Variants in DYDC2 observed in about 807,000 individuals in gnomAD.
DYDC2 encodes the protein DPY30 domain containing 2.
DYDC2 carries 19 observed loss-of-function variants against 18.7 expected under a neutral mutation model. That is an observed-to-expected ratio of 1.02 (90% CI 0.71 to 1.49). The LOEUF (loss-of-function observed/expected upper bound fraction) is 1.49. Among genes scored for constraint, DYDC2 ranks in the 40% most tolerant of loss-of-function variants. The pLI is 0.00. For missense variants in DYDC2, 179 were observed against 205.1 expected (o/e 0.87, Z 0.78); for synonymous variants, 63 against 67.6 (o/e 0.93, Z 0.34).
At chr10:80,347,955 C>A (rs1340904431) in intron 1 of DYDC2, among the ~76,000 whole-genome samples, 1 of 152,078 alleles carries the variant, frequency 6.6e-6, no homozygotes, top group Non-Finnish European at 1.5e-5. Context: ...TACTTCCATA[C>A]AAATTTTAGA....
chr10:80,356,297 A>C (rs1346046210), upstream of DYDC2: 1 of 985,516 alleles, frequency 1.0e-6, no homozygotes, highest in Non-Finnish European at 1.2e-6. Context: ...TTTCCCACAG[A>C]AACAGCTGCC....
At chr10:80,362,719 A>C in intron 3 of DYDC2, 129 bp downstream of exon 3, 1 of 1,435,600 alleles carries the variant, frequency 7.0e-7, no homozygotes, top group Non-Finnish European at 9.4e-7. Flanking sequence ...TCTTAGAGCC[A>C]GATATCCCTG....
chr10:80,349,065 G>A (rs1842834252), intron 1 of DYDC2, among the ~76,000 whole-genome samples: 3 of 152,044 alleles, frequency 2.0e-5, no homozygotes, highest in Admixed American at 6.6e-5. Context: ...CTAATTTTTT[G>A]TATTTTTAGT....
chr10:80,364,733 G>A (rs1843775395), intron 4 of DYDC2, among the ~76,000 whole-genome samples: 1 of 152,184 alleles, frequency 6.6e-6, no homozygotes, highest in African/African-American at 2.4e-5. Context: ...CTCAGTTTTA[G>A]AAAAGAGTTC....
Position 80,363,503 on chromosome 10 carries a change from C to T in DYDC2, c.270+430C>T, listed in dbSNP as rs1443224901. On this transcript the variant is annotated intron_variant, in intron 4 of 4. Coordinates refer to ENST00000256039, the MANE Select transcript of DYDC2 (RefSeq NM_032372.6). Reference sequence around the variant, plus strand: ...GGGACTACAGGCACATGCCACCACGCCCGGCTAATTTTTTTTTTTTTTTTT... The same window carrying T: ...GGGACTACAGGCACATGCCACCACGTCCGGCTAATTTTTTTTTTTTTTTTT... 4.0e-5 allele frequency among the ~76,000 whole-genome samples: 5 copies of T among 124,418 alleles called. No homozygotes were observed. In the South Asian group the frequency reaches 1.3e-3, roughly 33 times the overall value. The allele number at this position is 124,418 out of a possible 152,430, so 81.6% of individuals were successfully genotyped here. A position where few individuals can be genotyped will look rare whatever the true frequency, so the allele number is the denominator to read the frequency against.
At chr10:80,362,372 T>C in intron 2 of DYDC2, 63 bp from the exon 3 acceptor site, 1 of 1,554,682 alleles carries the variant, frequency 6.4e-7, no homozygotes, top group East Asian at 2.3e-5. Flanking sequence ...GGTTAGAATG[T>C]GTCTATTTTT....
At chr10:80,354,473 T>A (rs1843229713), upstream of DYDC2, 3 of 120,926 alleles carry the variant, frequency 2.5e-5, no homozygotes, top group African/African-American at 3.2e-5. Context: ...GCAACAAGAG[T>A]GAAACTTCGT....
At chr10:80,363,899 C>A (rs961575442) in intron 4 of DYDC2, among the ~76,000 whole-genome samples, 1 of 152,110 alleles carries the variant, frequency 6.6e-6, no homozygotes, top group Non-Finnish European at 1.5e-5. Flanking sequence ...CTGGAATAGC[C>A]GAAGACAACT....
chr10:80,366,445 T>C (rs758130085), intron 4 of DYDC2, among the ~76,000 whole-genome samples: 48 of 152,246 alleles, frequency 3.2e-4, no homozygotes, highest in Non-Finnish European at 1.5e-4. Context: ...GAGGACGTTT[T>C]ATAGGGAGTC....
rs1176838938 is a variant in DYDC2, at chr10:80,357,239, G to A, written c.-163+414G>A. Among the ~76,000 whole-genome samples, 7 of 150,286 alleles carry A rather than the reference G, an allele frequency of 4.7e-5. No homozygotes were observed. In the South Asian group the frequency reaches 1.1e-3, roughly 23 times the overall value. ...AAGCGGGCGCGCTCCAGGGGGCGGG[G>A]TCCAGGGAGGAGGGGGAGCGTAGGA... On this transcript the variant is annotated intron_variant, in intron 1 of 4. Transcript: ENST00000256039.
intron 2 of DYDC2, among the ~76,000 whole-genome samples, chr10:80,358,810 C>G (rs1307345720): frequency 2.0e-5 from 3 of 152,006 alleles, no homozygotes; most frequent in Admixed American, 6.5e-5. Context: ...AGCCGTGGAC[C>G]CTCACAGTGA....
intron 1 of DYDC2, among the ~76,000 whole-genome samples, chr10:80,357,322 T>G: frequency 6.7e-6 from 1 of 148,946 alleles, no homozygotes; most frequent in South Asian, 2.2e-4. Context: ...TCGTGAGGGG[T>G]CGAGGAAAGG....
At position 80,367,120 on chromosome 10, in the gene DYDC2, G is replaced by T; in HGVS notation, c.*169G>T. ...ATGTGAACATTTGAACTAGTTATAG[G>T]ATAAAATAAACTCAGAATAAGGATT... On this transcript the variant is annotated 3_prime_UTR_variant, in exon 5 of 5. Coordinates refer to ENST00000256039, the MANE Select transcript of DYDC2 (RefSeq NM_032372.6). 1 of 759,874 alleles carries T rather than the reference G, an allele frequency of 1.3e-6. No individual in the cohort carries two copies. Among genetic ancestry groups the T allele is most frequent in the East Asian group, 2.8e-5 (1 of 35,682 alleles). The allele number at this position is 759,874 out of a possible 1,614,324, so 47.1% of individuals were successfully genotyped here.
At chr10:80,352,005 A>G, upstream of DYDC2, 3 of 1,613,600 alleles carry the variant, frequency 1.9e-6, no homozygotes, top group South Asian at 1.1e-5. Context: ...TTTTGTCTCT[A>G]GCATTGTTTA....
At chr10:80,345,591 C>T (rs1842566243) in intron 1 of DYDC2, among the ~76,000 whole-genome samples, 1 of 152,086 alleles carries the variant, frequency 6.6e-6, no homozygotes, top group African/African-American at 2.4e-5. Context: ...CCAGGCCTAC[C>T]CCCACTCCAC....
In DYDC2 at chr10:80,367,032, G is replaced by T; in HGVS notation, c.*81G>T. 6.6e-7 allele frequency: 1 copy of T among 1,520,700 alleles called. No homozygotes were observed. The allele number at this position is 1,520,700 out of a possible 1,614,324, so 94.2% of individuals were successfully genotyped here. ...ATGGCCAGCTAGAACCAAGATTTAA[G>T]GGGCTGTAAAAGGCAAGTTCAGGGA... On this transcript the variant is annotated 3_prime_UTR_variant, in exon 5 of 5. Transcript: ENST00000256039.
At chr10:80,351,929 A>G, upstream of DYDC2, 1 of 1,614,118 alleles carries the variant, frequency 6.2e-7, no homozygotes, top group Non-Finnish European at 8.5e-7. Flanking sequence ...CTCTGCTTTG[A>G]GCCTCTCCAT....
intron 4 of DYDC2, among the ~76,000 whole-genome samples, chr10:80,365,979 T>C (rs1688511187): frequency 6.6e-6 from 1 of 151,958 alleles, no homozygotes; most frequent in African/African-American, 2.4e-5. Context: ...ATAGCTGTCC[T>C]TGTCTGTTAA....
upstream of DYDC2, among the ~76,000 whole-genome samples, chr10:80,355,004 A>G (rs560602911): frequency 8.3e-4 from 127 of 152,154 alleles, 1 homozygote; most frequent in African/African-American, 3.0e-3. Context: ...AATAAGTACT[A>G]TGAGACCAGA....
Sources: gnomAD v4.1 joint callset for allele counts (sites outside exome capture counted in the v4.1 genomes callset) on GRCh38, gnomAD v4.1.1 for gene constraint, MANE v1.5 for transcripts, NCBI Gene and HGNC (gene_info 2026-07-23, HGNC 2026-07-21) for gene names.